Variants in DPYD observed in about 807,000 individuals in gnomAD.
DPYD encodes the protein dihydropyrimidine dehydrogenase, also known as dihydropyrimidine dehydrogenase [NADP(+)].
A neutral mutation model predicts 116.2 loss-of-function variants in DPYD; 109 were observed. The observed-to-expected ratio is 0.94, with a 90% CI of 0.80 to 1.10. DPYD has a LOEUF of 1.10. DPYD is among the 50% of genes least tolerant of loss of function. The pLI is 0.00. For synonymous variants in DPYD, 440 were observed against 432.0 expected, an observed-to-expected ratio of 1.02 and a Z score of -0.23; for missense variants, 1,302 against 1,254.5, an observed-to-expected ratio of 1.04 and a Z score of -0.57.
chr1:97,163,420 T>C (rs1656075251), intron 20 of DPYD, among the ~76,000 whole-genome samples: 1 of 152,172 alleles, frequency 6.6e-6, no homozygotes, highest in South Asian at 2.1e-4. Context: ...AATCAACACA[T>C]AGTTTCCTGT....
At chr1:97,899,701 C>T (rs1673266197) in intron 1 of DPYD, among the ~76,000 whole-genome samples, 1 of 151,808 alleles carries the variant, frequency 6.6e-6, no homozygotes, top group Admixed American at 6.6e-5. Flanking sequence ...GAAAAATTTT[C>T]AAAATGGCAA....
At chr1:97,333,940 A>G (rs989610221) in intron 16 of DPYD, among the ~76,000 whole-genome samples, 5 of 152,190 alleles carry the variant, frequency 3.3e-5, no homozygotes, top group Non-Finnish European at 7.4e-5. Context: ...TGGAAACAAG[A>G]AAAAGTGATA....
intron 3 of DPYD, among the ~76,000 whole-genome samples, chr1:97,781,544 G>GA (rs1666751210): frequency 1.3e-5 from 2 of 152,050 alleles, no homozygotes; most frequent in African/African-American, 2.4e-5. Flanking sequence ...GTTTAGGGTA[G>GA]AAAAAATGCC....
chr1:97,666,547 T>C (rs1659572341), intron 8 of DPYD, among the ~76,000 whole-genome samples: 1 of 152,138 alleles, frequency 6.6e-6, no homozygotes, highest in Non-Finnish European at 1.5e-5. Flanking sequence ...GAAGATGTAC[T>C]TTAAAAGGAC....
At chr1:97,228,552 G>A (rs1328226708) in intron 19 of DPYD, among the ~76,000 whole-genome samples, 1 of 152,120 alleles carries the variant, frequency 6.6e-6, no homozygotes, top group Non-Finnish European at 1.5e-5. Flanking sequence ...ATGATGAATA[G>A]TGTATGAGAA....
At chr1:97,911,383 C>A (rs72981728) in intron 1 of DPYD, among the ~76,000 whole-genome samples, 2,566 of 152,136 alleles carry the variant, frequency 0.017, 76 homozygotes, top group African/African-American at 0.058. Context: ...TCAGAAAAGA[C>A]AGAGCCTTAA....
At position 97,897,539 on chromosome 1, in the gene DPYD, C is replaced by A. The variant is rs556174621; in HGVS notation, c.40-14165G>T. On this transcript the variant is annotated intron_variant, in intron 1 of 22. Transcript: ENST00000370192. ...GGCCACTCGAAGTTGTTCCACAGCT[C>A]ACTGATAGTCTTTTCATTTTTTTCT... 7.2e-5 allele frequency among the ~76,000 whole-genome samples: 11 copies of A among 152,024 alleles called. No homozygotes were observed. In the South Asian group the frequency reaches 2.3e-3, roughly 31 times the overall value.
rs1014992365 is a variant in DPYD at position 97,286,713 on chromosome 1, G to A, written c.2299+18546C>T. ...ACCCTTTCTTCCAGTTGATCGCATCGGCTCCTGAGGCTTCTGCATTCTTCA... is the reference window on the plus strand; with the variant it reads ...ACCCTTTCTTCCAGTTGATCGCATCAGCTCCTGAGGCTTCTGCATTCTTCA... On this transcript the variant is annotated intron_variant, in intron 18 of 22. Transcript: ENST00000370192. Among the ~76,000 whole-genome samples the A allele has an allele frequency of 8.6e-5, 13 of 151,902 alleles. No individual in the cohort carries two copies. The East Asian group carries it at 1.7e-3, about 20-fold the overall frequency.
chr1:97,133,555 G>A (rs1414703761), intron 20 of DPYD, among the ~76,000 whole-genome samples: 1 of 151,634 alleles, frequency 6.6e-6, no homozygotes, highest in Non-Finnish European at 1.5e-5. Context: ...ATTTGTTTTG[G>A]TATATGGTAT....
At chr1:97,558,337 GTA>G (rs1651898589) in intron 11 of DPYD, among the ~76,000 whole-genome samples, 2 of 151,994 alleles carry the variant, frequency 1.3e-5, no homozygotes, top group South Asian at 4.1e-4. Context: ...GGGGAATCTA[GTA>G]TATGTTTTTT....
intron 3 of DPYD, among the ~76,000 whole-genome samples, chr1:97,786,934 G>T (rs1019480387): frequency 1.3e-5 from 2 of 152,170 alleles, no homozygotes; most frequent in African/African-American, 2.4e-5. Context: ...CTTTTGCATG[G>T]AAGTTCCTAA....
intron 2 of DPYD, among the ~76,000 whole-genome samples, chr1:97,837,966 C>G (rs537336938): frequency 6.6e-6 from 1 of 152,198 alleles, no homozygotes; most frequent in Admixed American, 6.5e-5. Context: ...CTGATACTAT[C>G]CAATTTTCTA....
At chr1:97,196,868 G>A (rs1003215271) in intron 19 of DPYD, among the ~76,000 whole-genome samples, 1 of 152,078 alleles carries the variant, frequency 6.6e-6, no homozygotes, top group Non-Finnish European at 1.5e-5. Flanking sequence ...TGGACCAAAT[G>A]CATACGTTTT....
At chr1:97,916,132 T>G (rs1352518742) in intron 1 of DPYD, among the ~76,000 whole-genome samples, 1 of 152,182 alleles carries the variant, frequency 6.6e-6, no homozygotes, top group Non-Finnish European at 1.5e-5. Flanking sequence ...TGAATCAGTA[T>G]TTTGACTCTA....
At chr1:97,176,722 G>A (rs529784849) in intron 20 of DPYD, among the ~76,000 whole-genome samples, 2 of 152,072 alleles carry the variant, frequency 1.3e-5, no homozygotes, top group Non-Finnish European at 2.9e-5. Flanking sequence ...GAATGTGTAG[G>A]GTCCACAGGG....
intron 18 of DPYD, among the ~76,000 whole-genome samples, chr1:97,236,381 A>G (rs1358482432): frequency 1.3e-5 from 2 of 152,090 alleles, no homozygotes; most frequent in Non-Finnish European, 2.9e-5. Context: ...AAATGGCCAG[A>G]ACTTAAAATT....
chr1:97,898,285 G>A (rs1673183037), intron 1 of DPYD, among the ~76,000 whole-genome samples: 1 of 151,742 alleles, frequency 6.6e-6, no homozygotes, highest in South Asian at 2.1e-4. Flanking sequence ...GGAACCCTCT[G>A]CTGATCTGCA....
chr1:97,342,008 A>G (rs775255733), intron 16 of DPYD, among the ~76,000 whole-genome samples: 1 of 152,228 alleles, frequency 6.6e-6, no homozygotes, highest in Non-Finnish European at 1.5e-5. Context: ...GACGAAGTTT[A>G]GAATCTCATA....
chr1:97,192,861 C>G (rs917769025), intron 20 of DPYD, among the ~76,000 whole-genome samples: 2 of 152,116 alleles, frequency 1.3e-5, no homozygotes, highest in African/African-American at 4.8e-5. Flanking sequence ...TTTATATAAT[C>G]TTGTGTTGTA....
Sources: gnomAD v4.1 joint callset for allele counts (sites outside exome capture counted in the v4.1 genomes callset) on GRCh38, gnomAD v4.1.1 for gene constraint, MANE v1.5 for transcripts, NCBI Gene and HGNC (gene_info 2026-07-23, HGNC 2026-07-21) for gene names.